ARRDC5: variants seen among roughly 807,000 people sequenced by gnomAD.
ARRDC5 encodes the protein arrestin domain-containing protein 5.
Under a neutral mutation model 13.3 loss-of-function variants are expected in ARRDC5, and 12 were observed. That is an observed-to-expected ratio of 0.90 (90% CI 0.58 to 1.46). The LOEUF is 1.46. Ranked by LOEUF, ARRDC5 falls within the 40% of genes most tolerant of loss-of-function variation. The pLI is 0.00. For missense variants in ARRDC5, 406 were observed against 418.7 expected (o/e 0.97, Z 0.26); for synonymous variants, 181 against 173.4 (o/e 1.04, Z -0.34).
rs1305371038 is a variant in ARRDC5, at chr19:4,896,728, C to G, written c.402G>C (p.Lys134Asn). 6.2e-7 allele frequency: 1 copy of G among 1,613,838 alleles called. No individual in the cohort carries two copies. The highest frequency in any genetic ancestry group is 8.5e-7 in the Non-Finnish European group (1 of 1,179,814). ...CMGREHILAK[K>N]RMYLLVQGTS... ...TTCCTTGAACCAATAAGTACATCCT[C>G]TTCTTGGCTAAAATGTGTTCCCTGC... Residue 134 changes from lysine (K) to asparagine (N), a missense_variant, in exon 2 of 3, where the codon AAG becomes AAC. Lys to Asn is a moderately conservative substitution (Grantham distance 94, BLOSUM62 0). Coordinates refer to ENST00000650722, the MANE Select transcript of ARRDC5 (RefSeq NM_001080523.3).
At chr19:4,915,435 G>C in the ARRDC5 span, among the ~76,000 whole-genome samples, 132,268 of 152,290 alleles carry the variant, frequency 0.87, 57,859 homozygotes, top group East Asian at 1. Flanking sequence ...CAGGTATGGC[G>C]GGGCCCAGTG....
chr19:4,894,203 C>T (rs576783966), intron 2 of ARRDC5, among the ~76,000 whole-genome samples: 14 of 150,520 alleles, frequency 9.3e-5, no homozygotes, highest in Non-Finnish European at 1.3e-4. Context: ...GGTGAAACCC[C>T]GTCTCTAATA....
intron 2 of ARRDC5, 122 bp from the exon 3 acceptor site, chr19:4,891,695 G>T (rs1487946408): frequency 4.5e-5 from 38 of 849,848 alleles, no homozygotes; most frequent in Non-Finnish European, 5.9e-5. Flanking sequence ...GATAGCTCAC[G>T]CCTATAATCC....
At chr19:4,913,541 C>T in the ARRDC5 span, among the ~76,000 whole-genome samples, 1 of 152,022 alleles carries the variant, frequency 6.6e-6, no homozygotes, top group Admixed American at 6.6e-5. Context: ...AGGTGTGAAC[C>T]ACTGCACCCA....
the ARRDC5 span, among the ~76,000 whole-genome samples, chr19:4,915,380 A>G: frequency 3.3e-5 from 5 of 152,126 alleles, no homozygotes; most frequent in Non-Finnish European, 7.4e-5. Flanking sequence ...CAATCTGTAA[A>G]CCGGTGGGCG....
At chr19:4,916,653 C>G in the ARRDC5 span, among the ~76,000 whole-genome samples, 1 of 152,046 alleles carries the variant, frequency 6.6e-6, no homozygotes, top group East Asian at 1.9e-4. Context: ...ACCGCCGCCC[C>G]CTCTTGTGGG....
the ARRDC5 span, among the ~76,000 whole-genome samples, chr19:4,912,664 A>G: frequency 1.3e-5 from 2 of 152,132 alleles, no homozygotes; most frequent in African/African-American, 4.8e-5. Context: ...ATTTCAAAGT[A>G]AGTTGCAGAC....
intron 2 of ARRDC5, among the ~76,000 whole-genome samples, chr19:4,896,361 T>TTTTTACACACAC (rs761253103): frequency 3.5e-5 from 3 of 84,958 alleles, no homozygotes; most frequent in Admixed American, 1.5e-4. Context: ...TTTTTTTTTT[T>TTTTTACACACAC]ACACACACAC....
chr19:4,893,512 A>AAAAAG (rs901711351), intron 2 of ARRDC5, among the ~76,000 whole-genome samples: 8 of 150,854 alleles, frequency 5.3e-5, no homozygotes, highest in South Asian at 2.1e-4. Context: ...TCTCAAAAAA[A>AAAAAG]AAAAGAAAAG....
chr19:4,897,907 C>T (rs2031788311), intron 1 of ARRDC5, among the ~76,000 whole-genome samples: 1 of 152,078 alleles, frequency 6.6e-6, no homozygotes, highest in African/African-American at 2.4e-5. Context: ...GCCAAAATGG[C>T]GAAACCCAAT....
chr19:4,902,456 C>T lies in ARRDC5; in HGVS notation c.253+117G>A. 5.0e-6 allele frequency: 5 copies of T among 995,472 alleles called. No homozygotes were observed. In the South Asian group the frequency reaches 6.2e-5, roughly 12 times the overall value. 61.7% of individuals were successfully genotyped at this position (995,472 alleles called of 1,614,324 possible). A position where few individuals can be genotyped will look rare whatever the true frequency, so the allele number is the denominator to read the frequency against. On this transcript the variant is annotated intron_variant, in intron 1 of 2. Coordinates refer to ENST00000650722, the MANE Select transcript of ARRDC5 (RefSeq NM_001080523.3). ...CATGGCCTCCCTCCTAGGGAGAAAT[C>T]AGGCCACTCCCTATTTCTGATAGCC...
intron 1 of ARRDC5, among the ~76,000 whole-genome samples, chr19:4,900,369 T>G (rs1568398711): frequency 1.3e-5 from 2 of 152,086 alleles, no homozygotes; most frequent in African/African-American, 2.4e-5. Flanking sequence ...CTGCCCACCT[T>G]GGCCTCCCAA....
chr19:4,890,746 G>C lies in ARRDC5; in HGVS notation c.*300C>G, dbSNP rs906403260. 1.4e-5 allele frequency: 5 copies of C among 351,990 alleles called. No individual in the cohort carries two copies. Among genetic ancestry groups the C allele is most frequent in the Non-Finnish European group, 2.6e-5 (5 of 190,982 alleles). 21.8% of individuals were successfully genotyped at this position (351,990 alleles called of 1,614,324 possible). A position where few individuals can be genotyped will look rare whatever the true frequency, so the allele number is the denominator to read the frequency against. On this transcript the variant is annotated 3_prime_UTR_variant, in exon 3 of 3. Coordinates refer to ENST00000650722, the MANE Select transcript of ARRDC5 (RefSeq NM_001080523.3). ...TAGCAGAGGGGAGAATTCTCCCCAA[G>C]TAGGACCCCTGGTCTTGGCACTGTG...
the ARRDC5 span, among the ~76,000 whole-genome samples, chr19:4,908,198 T>C: frequency 1.3e-5 from 2 of 152,132 alleles, no homozygotes; most frequent in East Asian, 3.8e-4. Context: ...TCCTTTTAGC[T>C]GTGTAAGGCA....
chr19:4,891,457 G>T lies in ARRDC5; in HGVS notation c.576C>A (p.Val192=). ...TCTGGTTGTTGATCTCTGTTGTGAAGACGACCTTCTCTCCTGGCGTGAAGG... is the reference window on the plus strand; with the variant it reads ...TCTGGTTGTTGATCTCTGTTGTGAATACGACCTTCTCTCCTGGCGTGAAGG... ...RNTFTPGEKV[V]FTTEINNQTS... is the part of the protein sequence containing the mutation. The change falls in exon 3 of 3, where the codon GTC becomes GTA. Residue 192 remains valine, a synonymous_variant. Transcript: ENST00000650722. The T allele has an allele frequency of 3.7e-6, 6 of 1,613,694 alleles. No individual in the cohort carries two copies. The highest frequency in any genetic ancestry group is 1.3e-5 in the African/African-American group (1 of 75,060).
chr19:4,909,496 A>G, the ARRDC5 span: 2 of 655,524 alleles, frequency 3.1e-6, no homozygotes, highest in Non-Finnish European at 5.5e-6. Flanking sequence ...CGCGGGAAAA[A>G]AATCAGAGCA....
rs765727078 is a variant in ARRDC5, at chr19:4,902,183, C to T, written c.253+390G>A. 7.3e-5 allele frequency among the ~76,000 whole-genome samples: 11 copies of T among 151,638 alleles called. No homozygotes were observed. In the South Asian group the frequency reaches 1.5e-3, roughly 20 times the overall value. On this transcript the variant is annotated intron_variant, in intron 1 of 2. Coordinates refer to ENST00000650722, the MANE Select transcript of ARRDC5 (RefSeq NM_001080523.3). Reference sequence around the variant, plus strand: ...GGAATTACAGGTATGAACCACTGTGCCTGGCCCACCTCCACTGTCTCTCCC... The same window carrying T: ...GGAATTACAGGTATGAACCACTGTGTCTGGCCCACCTCCACTGTCTCTCCC...
chr19:4,910,974 G>A, the ARRDC5 span: 1 of 1,613,194 alleles, frequency 6.2e-7, no homozygotes, highest in Non-Finnish European at 8.5e-7. Context: ...GAGCTGAGGC[G>A]GAAGATCCAG....
chr19:4,896,403 CACAT>C (rs1187312477), intron 2 of ARRDC5, among the ~76,000 whole-genome samples: 2,919 of 108,158 alleles, frequency 0.027, 65 homozygotes, highest in African/African-American at 0.069. Flanking sequence ...CACACACACA[CACAT>C]ATATATAATT....
Sources: gnomAD v4.1 joint callset for allele counts (sites outside exome capture counted in the v4.1 genomes callset) on GRCh38, gnomAD v4.1.1 for gene constraint, MANE v1.5 for transcripts, NCBI Gene and HGNC (gene_info 2026-07-23, HGNC 2026-07-21) for gene names.